The following DENR variants were observed in gnomAD, a reference collection of about 807,000 sequenced individuals.
The protein encoded by DENR is density regulated re-initiation and release factor.
DENR carries 6 observed loss-of-function variants against 30.6 expected under a neutral mutation model. The observed-to-expected ratio is 0.20, with a 90% confidence interval of 0.11 to 0.39. The LOEUF is 0.39. DENR is among the 10% of genes least tolerant of loss of function. The pLI is 1.00. For missense variants in DENR, 141 were observed against 230.9 expected, an observed-to-expected ratio of 0.61 and a Z score of 2.52; for synonymous variants, 78 against 72.1, an observed-to-expected ratio of 1.08 and a Z score of -0.41.
rs1017219218 is a variant in DENR, at chr12:122,765,362, AGAG to A, written c.274_276del (p.Glu92del). The A allele has an allele frequency of 1.1e-5, 17 of 1,551,952 alleles. No homozygotes were observed. The highest frequency in any genetic ancestry group is 1.4e-5 in the African/African-American group (1 of 73,068). ...AGGGTCAAGGAACAGCAGGGGAAGAAGAGGAGAAGAAAAAACAGAAGAGAGGTA... is the reference window on the plus strand; with the variant it reads ...AGGGTCAAGGAACAGCAGGGGAAGAAGAGAAGAAAAAACAGAAGAGAGGTA... On this transcript the variant is annotated inframe_deletion, in exon 5 of 8. Coordinates refer to ENST00000280557, the MANE Select transcript of DENR (RefSeq NM_003677.5).
intron 2 of DENR, chr12:122,754,379 C>T (rs1878494140): frequency 6.5e-6 from 1 of 152,750 alleles, no homozygotes. Flanking sequence ...ATCTTTTTCA[C>T]TTTCGAGTGT....
rs1593757583 is a variant in DENR, at chr12:122,752,943, C to T, written c.-17C>T. On this transcript the variant is annotated 5_prime_UTR_variant, in exon 1 of 8. Transcript: ENST00000280557. ...AGCGGAGCCGGCGGGGCCTGTGCGACCGCCTGGGTAACGACCCCAAGTGCT... is the reference window on the plus strand; with the variant it reads ...AGCGGAGCCGGCGGGGCCTGTGCGATCGCCTGGGTAACGACCCCAAGTGCT... 1 of 152,354 alleles carries T rather than the reference C, an allele frequency of 6.6e-6. No individual in the cohort carries two copies. The highest frequency in any genetic ancestry group is 2.4e-5 in the African/African-American group (1 of 41,462). The allele number at this position is 152,354 out of a possible 1,614,324, so 9.4% of individuals were successfully genotyped here. A position where few individuals can be genotyped will look rare whatever the true frequency, so the allele number is the denominator to read the frequency against.
At chr12:122,759,878 T>C (rs1030031406) in intron 2 of DENR, among the ~76,000 whole-genome samples, 2 of 152,190 alleles carry the variant, frequency 1.3e-5, no homozygotes, top group South Asian at 4.1e-4. Context: ...GTGAGGAATA[T>C]AGGGCTGTAG....
rs140409822 is a variant in DENR, at chr12:122,764,258, A to G, written c.212-1046A>G. 2.4e-3 allele frequency among the ~76,000 whole-genome samples: 364 copies of G among 152,238 alleles called. 1 individual carries two copies. The highest frequency in any genetic ancestry group is 8.4e-3 in the African/African-American group (347 of 41,544). ...TTGGAGGAGTTTAAGCAGAAGAGTG[A>G]TAAGGTCTGACTTGTTTCAGCAGCA... On this transcript the variant is annotated intron_variant, in intron 4 of 7. Transcript: ENST00000280557.
In DENR at chr12:122,769,194, A is replaced by G. The variant is rs576412524; in HGVS notation, c.*116A>G. ...CATATATATGTATATATACACATAT[A>G]TGTATGTATACACATATACACATGT... On this transcript the variant is annotated 3_prime_UTR_variant, in exon 8 of 8. Coordinates refer to ENST00000280557, the MANE Select transcript of DENR (RefSeq NM_003677.5). 262 of 976,866 alleles carry G rather than the reference A, an allele frequency of 2.7e-4. No individual in the cohort carries two copies. The highest frequency in any genetic ancestry group is 3.3e-4 in the Non-Finnish European group (249 of 744,472). The allele number at this position is 976,866 out of a possible 1,614,324, so 60.5% of individuals were successfully genotyped here.
At position 122,769,247 on chromosome 12, in the gene DENR, T is replaced by TAC. The variant is rs1491407141; in HGVS notation, c.*170_*171insCA. The TAC allele has an allele frequency of 5.7e-6, 4 of 697,150 alleles. No individual in the cohort carries two copies. Among genetic ancestry groups the TAC allele is most frequent in the Non-Finnish European group, 6.7e-6 (4 of 594,580 alleles). The allele number at this position is 697,150 out of a possible 1,614,324, so 43.2% of individuals were successfully genotyped here. A position where few individuals can be genotyped will look rare whatever the true frequency, so the allele number is the denominator to read the frequency against. ...ATATACATGTGTGTATGTATACATG[T>TAC]ATATATATATACATACACATATATG... On this transcript the variant is annotated 3_prime_UTR_variant, in exon 8 of 8. Coordinates refer to ENST00000280557, the MANE Select transcript of DENR (RefSeq NM_003677.5).
chr12:122,770,300 G>T lies in DENR; in HGVS notation c.*1222G>T. ...ACAATTGGGAAATGGTTAAAGAAGT[G>T]ATGGTGCATTGTGTGGTAGAATATT... On this transcript the variant is annotated 3_prime_UTR_variant, in exon 8 of 8. Coordinates refer to ENST00000280557, the MANE Select transcript of DENR (RefSeq NM_003677.5). 4.4e-6 allele frequency: 1 copy of T among 227,692 alleles called. No individual in the cohort carries two copies. The highest frequency in any genetic ancestry group is 8.4e-6 in the Non-Finnish European group (1 of 118,932). 14.1% of individuals were successfully genotyped at this position (227,692 alleles called of 1,614,324 possible).
Position 122,769,151 on chromosome 12 carries a change from A to AAAATAT in DENR, c.*74_*75insAATATA. On this transcript the variant is annotated 3_prime_UTR_variant, in exon 8 of 8. Transcript: ENST00000280557. ...GGCCAAAGGGAGAGAGGCCTTTTAA[A>AAAATAT]ATATATATATATATACACATATATA... 1.5e-6 allele frequency: 2 copies of AAAATAT among 1,375,226 alleles called. No individual in the cohort carries two copies. The highest frequency in any genetic ancestry group is 2.7e-5 in the East Asian group (1 of 36,786). 85.2% of individuals were successfully genotyped at this position (1,375,226 alleles called of 1,614,324 possible). A position where few individuals can be genotyped will look rare whatever the true frequency, so the allele number is the denominator to read the frequency against.
Position 122,763,667 on chromosome 12 carries a change from C to T in DENR, c.211+738C>T, listed in dbSNP as rs552435294. On this transcript the variant is annotated intron_variant, in intron 4 of 7. Transcript: ENST00000280557. ...AGTGAGCCGAGATGGCACCATTGCACGCCAGCCTGGGCAACAAGAGCAAAA... is the reference window on the plus strand; with the variant it reads ...AGTGAGCCGAGATGGCACCATTGCATGCCAGCCTGGGCAACAAGAGCAAAA... 7.9e-5 allele frequency among the ~76,000 whole-genome samples: 12 copies of T among 152,220 alleles called. No homozygotes were observed. The South Asian group carries it at 1.7e-3, about 21-fold the overall frequency.
intron 5 of DENR, 25 bp from the exon 6 acceptor site, chr12:122,767,463 C>A (rs1240308669): frequency 2.8e-6 from 4 of 1,404,720 alleles, no homozygotes; most frequent in Non-Finnish European, 3.8e-6. Flanking sequence ...ACAACTAAAG[C>A]TAAGCTCTTT....
chr12:122,759,844 A>G (rs1274087015), intron 2 of DENR, among the ~76,000 whole-genome samples: 3 of 152,198 alleles, frequency 2.0e-5, no homozygotes, highest in Non-Finnish European at 2.9e-5. Flanking sequence ...CTGAACAACT[A>G]TGCCTAGTAT....
intron 1 of DENR, 87 bp from the exon 2 acceptor site, chr12:122,753,606 G>C: frequency 1.0e-6 from 1 of 965,630 alleles, no homozygotes; most frequent in Non-Finnish European, 1.6e-6. Context: ...CAGCTTTGGG[G>C]TGGGGAGGTT....
In DENR at chr12:122,768,909, A is replaced by G; in HGVS notation, c.540A>G (p.Glu180=). The change falls in exon 7 of 8, where the codon GAA becomes GAG. Residue 180 remains glutamate (E), a synonymous_variant. Coordinates refer to ENST00000280557, the MANE Select transcript of DENR (RefSeq NM_003677.5). ...FTDDIIDVIQ[E]KWPEVDDDSI... The stretch of plus-strand genomic sequence containing the variant: ...ATGACATAATTGATGTCATTCAGGA[A>G]AAATGGCCAGAGGTGAGTGCATGGA... The G allele has an allele frequency of 2.5e-6, 4 of 1,611,902 alleles. No individual in the cohort carries two copies. Among genetic ancestry groups the G allele is most frequent in the Non-Finnish European group, 3.4e-6 (4 of 1,179,094 alleles).
In DENR at chr12:122,769,511, T is replaced by C. The variant is rs2135514134; in HGVS notation, c.*433T>C. 1 of 958,734 alleles carries C rather than the reference T, an allele frequency of 1.0e-6. No homozygotes were observed. The highest frequency in any genetic ancestry group is 4.5e-5 in the South Asian group (1 of 22,228). The allele number at this position is 958,734 out of a possible 1,614,324, so 59.4% of individuals were successfully genotyped here. Reference sequence around the variant, plus strand: ...TACTGACTTTCTCTCTCTCTCTCTCTCTCTTTTTTTTTTTTGACAGAGTCT... The same window carrying C: ...TACTGACTTTCTCTCTCTCTCTCTCCCTCTTTTTTTTTTTTGACAGAGTCT... On this transcript the variant is annotated 3_prime_UTR_variant, in exon 8 of 8. Transcript: ENST00000280557.
intron 6 of DENR, among the ~76,000 whole-genome samples, 182 bp from the exon 7 acceptor site, chr12:122,768,599 AC>A (rs1878911700): frequency 6.6e-6 from 1 of 151,976 alleles, no homozygotes; most frequent in Non-Finnish European, 1.5e-5. Flanking sequence ...CCTTTATTTG[AC>A]CTTGAAAGTG....
chr12:122,767,955 T>G (rs1172384843), intron 6 of DENR: 1 of 158,014 alleles, frequency 6.3e-6, no homozygotes, highest in Non-Finnish European at 1.4e-5. Flanking sequence ...CCTCTGGGAA[T>G]GACAGGAGAG....
chr12:122,768,657 A>C (rs1878912809), intron 6 of DENR, 125 bp from the exon 7 acceptor site: 10 of 853,014 alleles, frequency 1.2e-5, no homozygotes, highest in Non-Finnish European at 1.7e-5. Context: ...TTGTTCTGAA[A>C]GGAATATAAA....
At chr12:122,768,983 T>G (rs1566061363) in intron 7 of DENR, 51 bp from the exon 8 acceptor site, 1 of 1,607,864 alleles carries the variant, frequency 6.2e-7, no homozygotes, top group South Asian at 1.1e-5. Flanking sequence ...GCTTCCATTT[T>G]TTCTTAATTG....
At chr12:122,765,956 G>A (rs955761770) in intron 5 of DENR, among the ~76,000 whole-genome samples, 2 of 151,696 alleles carry the variant, frequency 1.3e-5, no homozygotes, top group Non-Finnish European at 2.9e-5. Context: ...AACTCCTGGT[G>A]CTGTGGATCC....
Sources: allele counts gnomAD v4.1 joint callset (sites outside exome capture counted in the v4.1 genomes callset), GRCh38; gene constraint gnomAD v4.1.1; transcripts MANE v1.5; gene names NCBI Gene and HGNC (gene_info 2026-07-23, HGNC 2026-07-21).